GALNT17: variants seen among roughly 807,000 people sequenced by gnomAD.
GALNT17 encodes the protein UDP-GalNAc:polypeptide N-acetylgalactosaminyltransferase-like 3.
In GALNT17, 29 loss-of-function variants were observed where a neutral mutation model predicts 63.7. The ratio of observed to expected loss-of-function variants is 0.46; its 90% confidence interval spans 0.34 to 0.62. The LOEUF is 0.62. Among genes scored for constraint, GALNT17 ranks in the 20% least tolerant of loss-of-function variants. GALNT17 has a pLI of 0.01. For missense variants in GALNT17, 603 were observed against 799.6 expected, an observed-to-expected ratio of 0.75 and a Z score of 2.97; for synonymous variants, 305 against 318.3, an observed-to-expected ratio of 0.96 and a Z score of 0.45.
At chr7:71,638,956 G>A (rs1039156308) in intron 6 of GALNT17, among the ~76,000 whole-genome samples, 1 of 152,008 alleles carries the variant, frequency 6.6e-6, no homozygotes, top group African/African-American at 2.4e-5. Flanking sequence ...GGTTGTGCAG[G>A]GGAGATAAGG....
intron 1 of GALNT17, among the ~76,000 whole-genome samples, chr7:71,173,811 C>T (rs1364069053): frequency 6.6e-6 from 1 of 151,910 alleles, no homozygotes; most frequent in Non-Finnish European, 1.5e-5. Flanking sequence ...TAGAAGTAAG[C>T]CACTCAAGCT....
chr7:71,574,346 A>G (rs1268211710), intron 6 of GALNT17, among the ~76,000 whole-genome samples: 2 of 152,132 alleles, frequency 1.3e-5, no homozygotes, highest in South Asian at 2.1e-4. Flanking sequence ...CTCCATGACA[A>G]TTCAGCTCCC....
At chr7:71,526,370 A>T (rs976531481) in intron 5 of GALNT17, among the ~76,000 whole-genome samples, 1 of 151,848 alleles carries the variant, frequency 6.6e-6, no homozygotes, top group East Asian at 1.9e-4. Context: ...GCAAAATCAG[A>T]CAAGACTTCT....
At chr7:71,528,095 A>G (rs1788654827) in intron 5 of GALNT17, among the ~76,000 whole-genome samples, 1 of 152,218 alleles carries the variant, frequency 6.6e-6, no homozygotes, top group South Asian at 2.1e-4. Context: ...AATCTATGGT[A>G]CAGAATTATC....
chr7:71,340,732 T>C (rs1348313344), intron 2 of GALNT17, among the ~76,000 whole-genome samples: 1 of 152,176 alleles, frequency 6.6e-6, no homozygotes, highest in African/African-American at 2.4e-5. Flanking sequence ...CAAATAGATA[T>C]ATTAAGATAA....
chr7:71,174,900 G>C (rs563586742), intron 1 of GALNT17, among the ~76,000 whole-genome samples: 1 of 152,296 alleles, frequency 6.6e-6, no homozygotes, highest in African/African-American at 2.4e-5. Flanking sequence ...AGGAATTTGG[G>C]TTTCTGTCTT....
intron 5 of GALNT17, among the ~76,000 whole-genome samples, chr7:71,453,975 A>G (rs982562896): frequency 6.6e-6 from 1 of 152,072 alleles, no homozygotes; most frequent in Non-Finnish European, 1.5e-5. Context: ...CTACTCAATG[A>G]CTCACTTGCT....
At chr7:71,160,409 G>A (rs1402127821) in intron 1 of GALNT17, among the ~76,000 whole-genome samples, 2 of 152,116 alleles carry the variant, frequency 1.3e-5, no homozygotes, top group African/African-American at 4.8e-5. Flanking sequence ...GTTGCTATAG[G>A]CAGATACATA....
chr7:71,417,339 C>G (rs1786553994), intron 4 of GALNT17, among the ~76,000 whole-genome samples: 1 of 152,116 alleles, frequency 6.6e-6, no homozygotes, highest in Non-Finnish European at 1.5e-5. Flanking sequence ...TAACACTGAC[C>G]CCTTCAAGTG....
At chr7:71,211,147 C>A (rs1405243548) in intron 1 of GALNT17, among the ~76,000 whole-genome samples, 4 of 152,274 alleles carry the variant, frequency 2.6e-5, no homozygotes, top group Non-Finnish European at 5.9e-5. Context: ...TTGGCTGTGT[C>A]CCCATCCAAA....
At chr7:71,378,165 G>A (rs1792780195) in intron 2 of GALNT17, among the ~76,000 whole-genome samples, 1 of 152,176 alleles carries the variant, frequency 6.6e-6, no homozygotes, top group African/African-American at 2.4e-5. Context: ...AGTTTGTACG[G>A]GAGACTGCTC....
chr7:71,608,493 G>A (rs963935568), intron 6 of GALNT17, among the ~76,000 whole-genome samples: 31 of 152,278 alleles, frequency 2.0e-4, no homozygotes, highest in African/African-American at 7.2e-4. Flanking sequence ...ACAAATACAA[G>A]TAGTATCAAC....
rs567237940 is a variant in GALNT17, at chr7:71,292,834, G to A, written c.239-42716G>A. Among the ~76,000 whole-genome samples the A allele has an allele frequency of 2.0e-5, 3 of 152,024 alleles. No homozygotes were observed. The South Asian group carries it at 6.2e-4, about 32-fold the overall frequency. ...GTTTGTCTAGTATAACCAAAACTTT[G>A]GACCATTTGACCCAAATCACCCCAT... On this transcript the variant is annotated intron_variant, in intron 1 of 10. Coordinates refer to ENST00000333538, the MANE Select transcript of GALNT17 (RefSeq NM_022479.3).
intron 2 of GALNT17, among the ~76,000 whole-genome samples, chr7:71,371,606 C>A (rs1382737747): frequency 6.6e-6 from 1 of 152,100 alleles, no homozygotes; most frequent in Non-Finnish European, 1.5e-5. Context: ...TTTTGATGAT[C>A]AGAGGTTTTC....
At position 71,641,705 on chromosome 7, in the gene GALNT17, T is replaced by C. The variant is rs560890454; in HGVS notation, c.1081-23706T>C. On this transcript the variant is annotated intron_variant, in intron 6 of 10. Coordinates refer to ENST00000333538, the MANE Select transcript of GALNT17 (RefSeq NM_022479.3). The stretch of plus-strand genomic sequence containing the variant: ...GGGTCAGGATTTGAACACATGAATT[T>C]TGGGGAGACATGGACATTCAATCCA... Among the ~76,000 whole-genome samples the C allele has an allele frequency of 4.2e-4, 64 of 152,008 alleles. 1 individual carries two copies. Among genetic ancestry groups the C allele is most frequent in the Middle Eastern group, 3.4e-3 (1 of 294 alleles).
intron 6 of GALNT17, among the ~76,000 whole-genome samples, chr7:71,663,302 T>C (rs1286026803): frequency 6.6e-6 from 1 of 152,216 alleles, no homozygotes; most frequent in Non-Finnish European, 1.5e-5. Flanking sequence ...ATCTTGACAA[T>C]GTTAATTCTT....
At chr7:71,684,788 G>C (rs1791327745) in intron 9 of GALNT17, among the ~76,000 whole-genome samples, 1 of 152,030 alleles carries the variant, frequency 6.6e-6, no homozygotes, top group African/African-American at 2.4e-5. Flanking sequence ...TCAGCTTCCA[G>C]AGTAACTGGG....
chr7:71,575,550 G>A (rs1475117757), intron 6 of GALNT17, among the ~76,000 whole-genome samples: 1 of 151,900 alleles, frequency 6.6e-6, no homozygotes, highest in East Asian at 1.9e-4. Flanking sequence ...CACCTCACCC[G>A]GCTAAGTTTT....
intron 5 of GALNT17, among the ~76,000 whole-genome samples, chr7:71,546,811 C>T (rs1478114182): frequency 6.6e-6 from 1 of 152,128 alleles, no homozygotes; most frequent in African/African-American, 2.4e-5. Context: ...GATGAGAAAT[C>T]TCAGACCCTG....
Sources: gnomAD v4.1 joint callset for allele counts (sites outside exome capture counted in the v4.1 genomes callset) on GRCh38, gnomAD v4.1.1 for gene constraint, MANE v1.5 for transcripts, NCBI Gene and HGNC (gene_info 2026-07-23, HGNC 2026-07-21) for gene names.